The following MCTP1 variants were observed in gnomAD, a reference collection of about 807,000 sequenced individuals.
MCTP1 encodes multiple C2 and transmembrane domain-containing protein 1.
A neutral mutation model predicts 120.6 loss-of-function variants in MCTP1; 69 were observed. The observed-to-expected ratio is 0.57, with a 90% CI of 0.47 to 0.70. MCTP1 has a LOEUF of 0.70. Ranked by LOEUF, MCTP1 falls within the 30% of genes least tolerant of loss-of-function variation. MCTP1 has a pLI of 0.00. For missense variants in MCTP1, 1,203 were observed against 1,248.8 expected, an observed-to-expected ratio of 0.96 and a Z score of 0.55; for synonymous variants, 529 against 493.1, an observed-to-expected ratio of 1.07 and a Z score of -0.96.
chr5:95,108,678 C>T lies in MCTP1; in HGVS notation c.721-91194G>A, dbSNP rs190579151. ...TTGGTAAGTCACCCTTAGCTAGACA[C>T]CTTTGCGTTTTGCAACATCGATACT... On this transcript the variant is annotated intron_variant, in intron 1 of 22. Coordinates refer to ENST00000515393, the MANE Select transcript of MCTP1 (RefSeq NM_024717.7). Among the ~76,000 whole-genome samples the T allele has an allele frequency of 1.8e-3, 278 of 152,338 alleles. 1 individual carries two copies. The highest frequency in any genetic ancestry group is 1.9e-3 in the Non-Finnish European group (131 of 68,030).
intron 19 of MCTP1, among the ~76,000 whole-genome samples, chr5:94,764,988 T>C (rs986702319): frequency 1.3e-5 from 2 of 152,094 alleles, no homozygotes; most frequent in African/African-American, 4.8e-5. Flanking sequence ...ATAGACCATA[T>C]ATTAGGCCAC....
At chr5:95,202,447 A>G (rs1562233310) in intron 1 of MCTP1, among the ~76,000 whole-genome samples, 1 of 152,124 alleles carries the variant, frequency 6.6e-6, no homozygotes, top group Non-Finnish European at 1.5e-5. Context: ...AGCCTCCATA[A>G]TCATGTGAAC....
intron 1 of MCTP1, among the ~76,000 whole-genome samples, chr5:95,089,889 T>C (rs1224292344): frequency 6.6e-6 from 1 of 152,186 alleles, no homozygotes; most frequent in Non-Finnish European, 1.5e-5. Context: ...TCAACACAAT[T>C]TGTATAGTCT....
chr5:94,794,599 T>A (rs1393748325), intron 18 of MCTP1, among the ~76,000 whole-genome samples: 1 of 152,230 alleles, frequency 6.6e-6, no homozygotes, highest in East Asian at 1.9e-4. Flanking sequence ...TCACACTTGC[T>A]CTGGGGAGTT....
chr5:95,262,738 T>C (rs1272849101), intron 1 of MCTP1, among the ~76,000 whole-genome samples: 1 of 152,172 alleles, frequency 6.6e-6, no homozygotes, highest in East Asian at 1.9e-4. Flanking sequence ...TTGTGGCTAA[T>C]TAGCCCCTCG....
At chr5:94,800,539 A>C (rs1781004485) in intron 17 of MCTP1, among the ~76,000 whole-genome samples, 1 of 151,712 alleles carries the variant, frequency 6.6e-6, no homozygotes, top group Non-Finnish European at 1.5e-5. Flanking sequence ...TGGTAGAGAG[A>C]CTCCTGGCCT....
At chr5:94,853,792 T>C (rs1441016505) in intron 17 of MCTP1, among the ~76,000 whole-genome samples, 2 of 151,848 alleles carry the variant, frequency 1.3e-5, no homozygotes, top group African/African-American at 4.8e-5. Flanking sequence ...CCTAAGGAAA[T>C]GAGAAATACT....
chr5:95,103,991 T>A (rs1414035592), intron 1 of MCTP1, among the ~76,000 whole-genome samples: 1 of 152,154 alleles, frequency 6.6e-6, no homozygotes, highest in Non-Finnish European at 1.5e-5. Flanking sequence ...CCAGTTTCTC[T>A]CTCTTACGCA....
At chr5:95,214,774 C>G (rs1047903216) in intron 1 of MCTP1, among the ~76,000 whole-genome samples, 2 of 147,442 alleles carry the variant, frequency 1.4e-5, no homozygotes, top group Non-Finnish European at 3.0e-5. Flanking sequence ...GACAAAAAAC[C>G]AAACACTGCA....
rs145560297 is a variant in MCTP1 at position 95,010,024 on chromosome 5, G to C, written c.838+7343C>G. ...TGGAAATTAGTTTTTCCCTTCCACT[G>C]TTCTGTGCAAGGGTGATATGAGACA... is the stretch of plus-strand genomic sequence containing the variant. On this transcript the variant is annotated intron_variant, in intron 2 of 22. Transcript: ENST00000515393. 1.1e-3 allele frequency among the ~76,000 whole-genome samples: 161 copies of C among 152,272 alleles called. 1 individual carries two copies. The highest frequency in any genetic ancestry group is 3.5e-3 in the African/African-American group (146 of 41,562).
intron 13 of MCTP1, among the ~76,000 whole-genome samples, chr5:94,872,628 CA>C (rs1051309738): frequency 1.3e-5 from 2 of 151,708 alleles, no homozygotes; most frequent in Non-Finnish European, 2.9e-5. Context: ...AAAAGGTTTA[CA>C]AACTTTCTAA....
chr5:94,707,803 A>G (rs1446853693), intron 22 of MCTP1, among the ~76,000 whole-genome samples: 1 of 151,954 alleles, frequency 6.6e-6, no homozygotes, highest in African/African-American at 2.4e-5. Flanking sequence ...TTCACTGTCT[A>G]TAACACATTA....
intron 17 of MCTP1, among the ~76,000 whole-genome samples, chr5:94,813,058 GA>G (rs1431250423): frequency 6.6e-6 from 1 of 152,000 alleles, no homozygotes; most frequent in Non-Finnish European, 1.5e-5. Context: ...CACATCGAGA[GA>G]AAATAATTGC....
chr5:95,000,752 TA>T lies in MCTP1; in HGVS notation c.838+16614del, dbSNP rs1234460501. Among the ~76,000 whole-genome samples the T allele has an allele frequency of 3.3e-5, 5 of 152,182 alleles. No homozygotes were observed. In the East Asian group the frequency reaches 9.6e-4, roughly 29 times the overall value. ...ATTACAATGAGCAAAGATTTATTAT[TA>T]AAGACAGAAAAAAATGTTTAAAATA... On this transcript the variant is annotated intron_variant, in intron 2 of 22. Coordinates refer to ENST00000515393, the MANE Select transcript of MCTP1 (RefSeq NM_024717.7).
At chr5:94,803,276 C>T (rs1035484369) in intron 17 of MCTP1, among the ~76,000 whole-genome samples, 2 of 152,178 alleles carry the variant, frequency 1.3e-5, no homozygotes, top group Non-Finnish European at 2.9e-5. Flanking sequence ...CAACCCCTTT[C>T]ATTAGAAAAA....
intron 1 of MCTP1, among the ~76,000 whole-genome samples, chr5:95,073,883 C>T (rs906003507): frequency 3.3e-5 from 5 of 152,144 alleles, no homozygotes; most frequent in African/African-American, 9.6e-5. Context: ...GAGGCCGAGG[C>T]GGGTGAATCA....
At chr5:94,896,756 A>T (rs1382621101) in intron 10 of MCTP1, among the ~76,000 whole-genome samples, 3 of 152,318 alleles carry the variant, frequency 2.0e-5, no homozygotes, top group Admixed American at 6.5e-5. Flanking sequence ...TGTCCTCTGA[A>T]TTAGTTACTG....
chr5:94,961,626 A>G (rs1824216301), intron 2 of MCTP1, among the ~76,000 whole-genome samples: 3 of 152,132 alleles, frequency 2.0e-5, no homozygotes, highest in Admixed American at 6.5e-5. Context: ...AATGAGACCA[A>G]TCTTGACCTA....
chr5:94,755,343 G>C (rs1769522846), intron 19 of MCTP1, among the ~76,000 whole-genome samples: 1 of 152,052 alleles, frequency 6.6e-6, no homozygotes, highest in African/African-American at 2.4e-5. Context: ...TTTAAAGAGT[G>C]AGTGACCTCT....
Sources: allele counts gnomAD v4.1 joint callset (sites outside exome capture counted in the v4.1 genomes callset), GRCh38; gene constraint gnomAD v4.1.1; transcripts MANE v1.5; gene names NCBI Gene and HGNC (gene_info 2026-07-23, HGNC 2026-07-21).